SYT1: variants seen among roughly 807,000 people sequenced by gnomAD.
SYT1 encodes synaptotagmin-1.
A neutral mutation model predicts 44.8 loss-of-function variants in SYT1; 8 were observed. The observed-to-expected ratio is 0.18, with a 90% CI of 0.10 to 0.32. The LOEUF is 0.32. Ranked by LOEUF, SYT1 falls within the 10% of genes least tolerant of loss-of-function variation. The pLI is 1.00. For synonymous variants in SYT1, 154 were observed against 188.8 expected (o/e 0.82, Z 1.51); for missense variants, 286 against 509.3 (o/e 0.56, Z 4.22).
chr12:79,233,014 C>T (rs568166056), intron 4 of SYT1, among the ~76,000 whole-genome samples: 18 of 152,116 alleles, frequency 1.2e-4, no homozygotes, highest in Non-Finnish European at 2.4e-4. Context: ...CTTTCCTCGA[C>T]CTTTCTTTAA....
intron 4 of SYT1, among the ~76,000 whole-genome samples, chr12:79,252,302 C>T (rs567226523): frequency 2.3e-4 from 35 of 152,046 alleles, no homozygotes; most frequent in Non-Finnish European, 4.7e-4. Flanking sequence ...TTATTGTTGA[C>T]ATTCAATAAT....
At chr12:79,287,133 A>T (rs923502143) in intron 5 of SYT1, among the ~76,000 whole-genome samples, 3 of 152,124 alleles carry the variant, frequency 2.0e-5, no homozygotes, top group African/African-American at 7.2e-5. Context: ...CCTCAAAGAC[A>T]CTATAGTATC....
At chr12:78,986,610 A>C (rs547639349) in intron 2 of SYT1, among the ~76,000 whole-genome samples, 1 of 151,884 alleles carries the variant, frequency 6.6e-6, no homozygotes, top group African/African-American at 2.4e-5. Flanking sequence ...TGAAAATCGC[A>C]TTTCTCCTGA....
At chr12:79,145,283 A>C (rs916469685) in intron 3 of SYT1, among the ~76,000 whole-genome samples, 1 of 152,106 alleles carries the variant, frequency 6.6e-6, no homozygotes. Flanking sequence ...ATCTTGATTA[A>C]AAACATATTT....
At chr12:78,958,709 A>AC (rs1879346085) in intron 1 of SYT1, among the ~76,000 whole-genome samples, 3 of 152,092 alleles carry the variant, frequency 2.0e-5, no homozygotes, top group Admixed American at 2.0e-4. Flanking sequence ...AGAAAAAAAA[A>AC]AAACTATGCA....
chr12:79,195,447 TTTGA>T (rs973445009), intron 3 of SYT1, among the ~76,000 whole-genome samples: 2 of 151,640 alleles, frequency 1.3e-5, no homozygotes, highest in African/African-American at 4.9e-5. Flanking sequence ...TACCAGGTGC[TTTGA>T]TTAATTCAGA....
chr12:79,329,550 A>G (rs762561887), intron 8 of SYT1, among the ~76,000 whole-genome samples: 6 of 152,238 alleles, frequency 3.9e-5, no homozygotes, highest in Non-Finnish European at 8.8e-5. Flanking sequence ...CACTTTCCAC[A>G]TTCTAGGCAC....
At chr12:78,951,894 T>C (rs1878987448) in intron 1 of SYT1, among the ~76,000 whole-genome samples, 1 of 152,154 alleles carries the variant, frequency 6.6e-6, no homozygotes, top group Admixed American at 6.6e-5. Context: ...TCTGCACTTC[T>C]GTCTGTTCTA....
At chr12:79,291,761 G>C (rs1289865220) in intron 5 of SYT1, 3 of 581,384 alleles carry the variant, frequency 5.2e-6, no homozygotes, top group Non-Finnish European at 9.6e-6. Context: ...TACATTTTTT[G>C]CTTGCAATAT....
intron 3 of SYT1, among the ~76,000 whole-genome samples, chr12:79,058,888 C>T (rs1875161532): frequency 6.6e-6 from 1 of 152,014 alleles, no homozygotes; most frequent in Admixed American, 6.6e-5. Context: ...TATTTTAATA[C>T]ATACACATTT....
intron 4 of SYT1, among the ~76,000 whole-genome samples, chr12:79,264,013 A>T (rs1160949563): frequency 6.6e-6 from 1 of 152,204 alleles, no homozygotes; most frequent in Non-Finnish European, 1.5e-5. Context: ...AAATAGAATT[A>T]TCAGAGATTG....
chr12:79,218,394 G>T lies in SYT1; in HGVS notation c.166+709G>T, dbSNP rs145601064. 4.1e-3 allele frequency among the ~76,000 whole-genome samples: 619 copies of T among 152,244 alleles called. 3 individuals carry two copies. Among genetic ancestry groups the T allele is most frequent in the African/African-American group, 0.014 (583 of 41,550 alleles). On this transcript the variant is annotated intron_variant, in intron 4 of 10. Transcript: ENST00000261205. ...AGATTATGCATATGTCAGTTAGCAGGATTCAGTTATTCCACAATGTATCAA... is the reference window on the plus strand; with the variant it reads ...AGATTATGCATATGTCAGTTAGCAGTATTCAGTTATTCCACAATGTATCAA...
chr12:79,322,653 T>G (rs971776631), intron 8 of SYT1, among the ~76,000 whole-genome samples: 1 of 152,154 alleles, frequency 6.6e-6, no homozygotes, highest in African/African-American at 2.4e-5. Flanking sequence ...CGTTGGGCAT[T>G]TCCTCAATTA....
chr12:79,059,282 TG>T (rs1165115207), intron 3 of SYT1, among the ~76,000 whole-genome samples: 4 of 152,094 alleles, frequency 2.6e-5, no homozygotes, highest in African/African-American at 7.2e-5. Flanking sequence ...AGATGAAATT[TG>T]GGTGGGGACA....
intron 8 of SYT1, among the ~76,000 whole-genome samples, chr12:79,331,394 G>T (rs527742491): frequency 2.5e-4 from 38 of 152,124 alleles, no homozygotes; most frequent in African/African-American, 8.4e-4. Context: ...CTGCCTAAAG[G>T]CTTTTTTCAG....
At chr12:79,227,040 T>C (rs1374374631) in intron 4 of SYT1, among the ~76,000 whole-genome samples, 1 of 152,176 alleles carries the variant, frequency 6.6e-6, no homozygotes, top group East Asian at 1.9e-4. Flanking sequence ...GATGTGTTTT[T>C]TGCAAAATTG....
chr12:79,066,248 A>T (rs975190249), intron 3 of SYT1, among the ~76,000 whole-genome samples: 5 of 152,178 alleles, frequency 3.3e-5, no homozygotes, highest in Non-Finnish European at 5.9e-5. Context: ...GAAGCAGGGT[A>T]AACACCACAT....
intron 3 of SYT1, among the ~76,000 whole-genome samples, chr12:79,067,209 G>A (rs1230573574): frequency 2.0e-5 from 3 of 152,056 alleles, no homozygotes; most frequent in African/African-American, 7.2e-5. Context: ...ATAGATTTTG[G>A]TGAAAGGTAG....
intron 3 of SYT1, among the ~76,000 whole-genome samples, chr12:79,067,886 G>A (rs1162389410): frequency 6.6e-6 from 1 of 152,216 alleles, no homozygotes; most frequent in Non-Finnish European, 1.5e-5. Flanking sequence ...AACAGATCAA[G>A]TAGAAATTGT....
Sources: allele counts gnomAD v4.1 joint callset (sites outside exome capture counted in the v4.1 genomes callset), GRCh38; gene constraint gnomAD v4.1.1; transcripts MANE v1.5; gene names NCBI Gene and HGNC (gene_info 2026-07-23, HGNC 2026-07-21).